ZBTB21: variants seen among roughly 807,000 people sequenced by gnomAD.
ZBTB21 encodes the protein zinc finger and BTB domain containing 21.
ZBTB21 carries 10 observed loss-of-function variants against 39.8 expected under a neutral mutation model. The observed-to-expected ratio is 0.25, with a 90% CI of 0.16 to 0.43. ZBTB21 has a LOEUF of 0.43. ZBTB21 is among the 20% of genes least tolerant of loss of function. The pLI, the probability that ZBTB21 is intolerant of heterozygous loss-of-function variation, is 1.00. For missense variants in ZBTB21, 1,221 were observed against 1,296.3 expected (o/e 0.94, Z 0.89); for synonymous variants, 551 against 498.8 (o/e 1.10, Z -1.40).
Position 41,993,197 on chromosome 21 carries a change from C to T in ZBTB21, c.899G>A (p.Gly300Asp), listed in dbSNP as rs752710665. Residue 300 changes from glycine to aspartate, a missense_variant, in exon 3 of 3, where the codon GGT (glycine) becomes GAT (aspartate). By Grantham distance (94) the Gly-to-Asp change is moderately conservative. Coordinates refer to ENST00000310826, the MANE Select transcript of ZBTB21 (RefSeq NM_001098402.2). ...CAACAAGTTTCTATCTTCACCTTGA[C>T]CATTTCCTTTGTTAGTTTCTTTTAA... ...YLLKETNKGN[G>D]QGEDRNLLYY... The T allele has an allele frequency of 6.2e-7, 1 of 1,613,100 alleles. No individual in the cohort carries two copies. The highest frequency in any genetic ancestry group is 8.5e-7 in the Non-Finnish European group (1 of 1,180,008).
Position 41,991,853 on chromosome 21 carries a change from G to GCCGCGTT in ZBTB21, c.2236_2242dup (p.Ala748GlufsTer26). On this transcript the variant is annotated frameshift_variant, in exon 3 of 3. Transcript: ENST00000310826. LOFTEE classifies it high-confidence loss of function. The surrounding 1 kb of genome is among the most constrained non-coding windows in gnomAD (Gnocchi z 4.9). ...CCTGAGGCTGCAGTAAGGGCAGACG[G>GCCGCGTT]CCGCGTTCCGGCACAGCCGCTCGTG... 6.2e-7 allele frequency: 1 copy of GCCGCGTT among 1,614,156 alleles called. No individual in the cohort carries two copies. Among genetic ancestry groups the GCCGCGTT allele is most frequent in the Non-Finnish European group, 8.5e-7 (1 of 1,180,058 alleles).
chr21:41,997,224 G>C (rs757850767), intron 2 of ZBTB21, among the ~76,000 whole-genome samples: 1 of 152,086 alleles, frequency 6.6e-6, no homozygotes, highest in African/African-American at 2.4e-5. Context: ...GCCTGGCCAA[G>C]AGACCTTTAA....
rs2065666665 is a variant in ZBTB21 at position 41,991,988 on chromosome 21, A to G, written c.2108T>C (p.Val703Ala). 1 of 1,614,114 alleles carries G rather than the reference A, an allele frequency of 6.2e-7. No homozygotes were observed. The highest frequency in any genetic ancestry group is 1.3e-5 in the African/African-American group (1 of 74,948). The change falls in exon 3 of 3, where the codon GTT becomes GCT. Residue 703 changes from valine (V) to alanine (A), a missense_variant. By Grantham distance (64) the Val-to-Ala change is moderately conservative (BLOSUM62 0). Around this residue, in one of 4 missense-constraint regions of ZBTB21, gnomAD observed 523 missense variants for 542.5 expected, o/e 0.96. Coordinates refer to ENST00000310826, the MANE Select transcript of ZBTB21 (RefSeq NM_001098402.2). The surrounding 1 kb of genome is among the most constrained non-coding windows in gnomAD (Gnocchi z 4.9). ...PGEKPLGVNK[V>A]AKPKEHAPLA... ...AGGAGCATGCTCTTTTGGTTTAGCA[A>G]CTTTATTTACTCCAAGGGGTTTTTC...
intron 1 of ZBTB21, among the ~76,000 whole-genome samples, chr21:42,004,755 G>C (rs117594012): frequency 6.6e-6 from 1 of 152,142 alleles, no homozygotes; most frequent in Non-Finnish European, 1.5e-5. Context: ...GGGAATGCAT[G>C]TAACACAAGG....
At chr21:41,997,445 A>G (rs1057055039) in intron 2 of ZBTB21, among the ~76,000 whole-genome samples, 3 of 151,972 alleles carry the variant, frequency 2.0e-5, no homozygotes, top group African/African-American at 2.4e-5. Flanking sequence ...GGGTGGTGGC[A>G]TGTGCCTGTA....
chr21:41,987,141 G>A lies in ZBTB21; in HGVS notation c.*3754C>T, dbSNP rs1170948342. 6.6e-6 allele frequency: 1 copy of A among 152,338 alleles called. No individual in the cohort carries two copies. Among genetic ancestry groups the A allele is most frequent in the Non-Finnish European group, 1.5e-5 (1 of 68,036 alleles). 9.4% of individuals were successfully genotyped at this position (152,338 alleles called of 1,614,324 possible). A position where few individuals can be genotyped will look rare whatever the true frequency, so the allele number is the denominator to read the frequency against. ...AATGTTCTGAAAACTAGTATTAACT[G>A]AGTATAACTGTGTGAAAAATCTGGA... On this transcript the variant is annotated 3_prime_UTR_variant, in exon 3 of 3. Coordinates refer to ENST00000310826, the MANE Select transcript of ZBTB21 (RefSeq NM_001098402.2).
chr21:41,999,195 C>A (rs574272719), intron 2 of ZBTB21, among the ~76,000 whole-genome samples: 4 of 152,230 alleles, frequency 2.6e-5, no homozygotes, highest in African/African-American at 9.6e-5. Flanking sequence ...CAGGGAAAAG[C>A]TGTAACACAG....
At chr21:42,010,216 A>C in intron 1 of ZBTB21, 36 bp downstream of exon 1, 1 of 396,950 alleles carries the variant, frequency 2.5e-6, no homozygotes, top group East Asian at 3.6e-5. Flanking sequence ...GGAGCCCCGC[A>C]GTTCTCCTAG....
In ZBTB21 at chr21:41,992,583, G is replaced by A; in HGVS notation, c.1513C>T (p.Pro505Ser). The A allele has an allele frequency of 1.2e-6, 2 of 1,614,154 alleles. No homozygotes were observed. The highest frequency in any genetic ancestry group is 1.7e-6 in the Non-Finnish European group (2 of 1,179,996). Reference protein sequence around the residue: ...KKLKVNEHGSPVSEDNFEEGS... With the variant: ...KKLKVNEHGSSVSEDNFEEGS... ...TCCTCAAAATTATCTTCTGACACAGGAGACCCGTGCTCATTCACCTTTAAC... is the reference window on the plus strand; with the variant it reads ...TCCTCAAAATTATCTTCTGACACAGAAGACCCGTGCTCATTCACCTTTAAC... Residue 505 changes from proline (P) to serine (S), a missense_variant, in exon 3 of 3, where the codon CCT (proline) becomes TCT (serine). Coordinates refer to ENST00000310826, the MANE Select transcript of ZBTB21 (RefSeq NM_001098402.2). The surrounding 1 kb of genome is among the most constrained non-coding windows in gnomAD (Gnocchi z 4.1).
chr21:42,009,379 G>C (rs2065927338), intron 1 of ZBTB21: 1 of 152,284 alleles, frequency 6.6e-6, no homozygotes, highest in African/African-American at 2.4e-5. Flanking sequence ...TTCCCGAAAA[G>C]CCGGGAAGAG....
At chr21:41,998,383 G>A (rs1004236836) in intron 2 of ZBTB21, among the ~76,000 whole-genome samples, 2 of 151,700 alleles carry the variant, frequency 1.3e-5, no homozygotes, top group African/African-American at 4.8e-5. Flanking sequence ...TATAGTTGGG[G>A]TTTCACCATA....
In ZBTB21 at chr21:41,992,744, G is replaced by T. The variant is rs146658168; in HGVS notation, c.1352C>A (p.Ala451Glu). 16 of 1,613,978 alleles carry T rather than the reference G, an allele frequency of 9.9e-6. No individual in the cohort carries two copies. The highest frequency in any genetic ancestry group is 5.3e-5 in the African/African-American group (4 of 74,894). Reference sequence around the variant, plus strand: ...AGATGAGGCAGCTGCTGTTGTTGCCGCATCTCCCACAGTGACGCGGATGAT... The same window carrying T: ...AGATGAGGCAGCTGCTGTTGTTGCCTCATCTCCCACAGTGACGCGGATGAT... ...SDIIRVTVGD[A>E]ATTAAASSSS... The change falls in exon 3 of 3, where the codon GCG becomes GAG. Residue 451 changes from alanine to glutamate, a missense_variant. By Grantham distance (107) the Ala-to-Glu change is moderately radical. Transcript: ENST00000310826. This position sits in a 1 kb window ranked among gnomAD's most constrained non-coding sequence, Gnocchi z 4.1.
At position 41,990,192 on chromosome 21, in the gene ZBTB21, T is replaced by C. The variant is rs1161204225; in HGVS notation, c.*703A>G. 1 of 152,616 alleles carries C rather than the reference T, an allele frequency of 6.6e-6. No individual in the cohort carries two copies. The highest frequency in any genetic ancestry group is 1.5e-5 in the Non-Finnish European group (1 of 68,024). The allele number at this position is 152,616 out of a possible 1,614,324, so 9.5% of individuals were successfully genotyped here. A position where few individuals can be genotyped will look rare whatever the true frequency, so the allele number is the denominator to read the frequency against. ...ATAAACTGACTGTAGGGGACTTCCA[T>C]AAATTGTTTTCATTTCCCAGGTCTT... On this transcript the variant is annotated 3_prime_UTR_variant, in exon 3 of 3. Transcript: ENST00000310826.
intron 1 of ZBTB21, among the ~76,000 whole-genome samples, chr21:42,003,965 T>C (rs559573873): frequency 2.0e-5 from 3 of 151,378 alleles, no homozygotes; most frequent in Non-Finnish European, 2.9e-5. Flanking sequence ...ATTCCTCAGG[T>C]AATAAATGCT....
At chr21:42,004,213 C>T (rs531604989) in intron 1 of ZBTB21, among the ~76,000 whole-genome samples, 2 of 152,096 alleles carry the variant, frequency 1.3e-5, no homozygotes, top group East Asian at 1.9e-4. Context: ...TTGGTCAGGC[C>T]GGTCTCGAAC....
chr21:42,008,558 A>G (rs1440505614), intron 1 of ZBTB21, among the ~76,000 whole-genome samples: 32 of 128,034 alleles, frequency 2.5e-4, no homozygotes, highest in South Asian at 4.8e-4. Context: ...AAAAAAAAAA[A>G]AAAAGAAAAA....
rs1250627114 is a variant in ZBTB21 at position 41,987,751 on chromosome 21, C to T, written c.*3144G>A. On this transcript the variant is annotated 3_prime_UTR_variant, in exon 3 of 3. Coordinates refer to ENST00000310826, the MANE Select transcript of ZBTB21 (RefSeq NM_001098402.2). ...TGTGTACAAACCCAATTTGAGACAA[C>T]AAAGGCCAACTTTAGATCTGTTAAT... 1 of 152,188 alleles carries T rather than the reference C, an allele frequency of 6.6e-6. No homozygotes were observed. Among genetic ancestry groups the T allele is most frequent in the Non-Finnish European group, 1.5e-5 (1 of 68,042 alleles). 9.4% of individuals were successfully genotyped at this position (152,188 alleles called of 1,614,324 possible).
chr21:41,991,514 G>GA lies in ZBTB21; in HGVS notation c.2581dup (p.Ser861PhefsTer9). 2 of 1,614,212 alleles carry GA rather than the reference G, an allele frequency of 1.2e-6. No individual in the cohort carries two copies. The highest frequency in any genetic ancestry group is 1.7e-6 in the Non-Finnish European group (2 of 1,180,044). The stretch of plus-strand genomic sequence containing the variant: ...ACTAAGGTCTTCGGGAAGACAAGAG[G>GA]AATCTTCCGAGTCGAAGTTAACTTG... On this transcript the variant is annotated frameshift_variant, in exon 3 of 3. Transcript: ENST00000310826. LOFTEE classifies it low-confidence loss of function (END_TRUNC). This position sits in a 1 kb window ranked among gnomAD's most constrained non-coding sequence, Gnocchi z 4.9.
At position 41,991,125 on chromosome 21, in the gene ZBTB21, G is replaced by A. The variant is rs765828457; in HGVS notation, c.2971C>T (p.Pro991Ser). ...SPSPPPLPPP[P>S]PLPKIQPLEP... ...AGAGGCTGGATCTTGGGCAGTGGTG[G>A]TGGCGGTGGCAGAGGTGGTGGAGAG... The change falls in exon 3 of 3, where the codon CCA becomes TCA. Residue 991 changes from proline to serine, a missense_variant. Pro to Ser is a moderately conservative substitution (Grantham distance 74). Around this residue, in one of 4 missense-constraint regions of ZBTB21, gnomAD observed 523 missense variants for 542.5 expected, o/e 0.96. Coordinates refer to ENST00000310826, the MANE Select transcript of ZBTB21 (RefSeq NM_001098402.2). This position sits in a 1 kb window ranked among gnomAD's most constrained non-coding sequence, Gnocchi z 4.9. 1.2e-5 allele frequency: 20 copies of A among 1,613,848 alleles called. No homozygotes were observed. The highest frequency in any genetic ancestry group is 1.4e-5 in the Non-Finnish European group (17 of 1,179,896).
Sources: gnomAD v4.1 joint callset for allele counts (sites outside exome capture counted in the v4.1 genomes callset) on GRCh38, gnomAD v4.1.1 for gene constraint, gnomAD v4.1.1 regional missense constraint, Gnocchi (gnomAD v3.1) non-coding constraint, MANE v1.5 for transcripts, NCBI Gene and HGNC (gene_info 2026-07-23, HGNC 2026-07-21) for gene names.